ADORA1: variants seen among roughly 807,000 people sequenced by gnomAD.
The protein encoded by ADORA1 is adenosine receptor A1.
A neutral mutation model predicts 19.9 loss-of-function variants in ADORA1; 6 were observed. That is an observed-to-expected ratio of 0.30 (90% CI 0.17 to 0.59). The LOEUF (loss-of-function observed/expected upper bound fraction) is 0.59, where lower values mean the gene tolerates loss of function less well. Among genes scored for constraint, ADORA1 ranks in the 20% least tolerant of loss-of-function variants. The pLI is 0.87. For synonymous variants in ADORA1, 194 were observed against 188.4 expected (o/e 1.03, Z -0.24); for missense variants, 302 against 439.2 (o/e 0.69, Z 2.79).
intron 3 of ADORA1, among the ~76,000 whole-genome samples, chr1:203,137,720 T>C (rs984972311): frequency 6.6e-6 from 1 of 152,202 alleles, no homozygotes; most frequent in Non-Finnish European, 1.5e-5. Context: ...AGTACTCAGC[T>C]CTATAAAATT....
At chr1:203,131,476 C>T (rs536607417) in intron 3 of ADORA1, among the ~76,000 whole-genome samples, 22 of 152,324 alleles carry the variant, frequency 1.4e-4, no homozygotes, top group South Asian at 8.3e-4. Context: ...GCCAGGTTTA[C>T]GGAACACACA....
chr1:203,149,472 A>G (rs1654963835), intron 3 of ADORA1, among the ~76,000 whole-genome samples: 1 of 152,188 alleles, frequency 6.6e-6, no homozygotes. Flanking sequence ...TGACAGGGGC[A>G]CAGACCAGCT....
chr1:203,131,717 A>T (rs1654337030), intron 3 of ADORA1, among the ~76,000 whole-genome samples: 1 of 152,132 alleles, frequency 6.6e-6, no homozygotes, highest in Non-Finnish European at 1.5e-5. Flanking sequence ...TCAAGCAGGG[A>T]TCCTGGCTGA....
chr1:203,162,350 G>T (rs574797608), intron 3 of ADORA1, among the ~76,000 whole-genome samples: 1 of 152,178 alleles, frequency 6.6e-6, no homozygotes, highest in Non-Finnish European at 1.5e-5. Context: ...TAACCCCGGG[G>T]GCTCTGGGTG....
intron 3 of ADORA1, among the ~76,000 whole-genome samples, chr1:203,130,788 C>A (rs1276731998): frequency 6.6e-6 from 1 of 152,166 alleles, no homozygotes; most frequent in Non-Finnish European, 1.5e-5. Context: ...CAGAATGCAC[C>A]CTACTTGCCC....
At chr1:203,142,543 T>C (rs1489793557) in intron 3 of ADORA1, among the ~76,000 whole-genome samples, 2 of 152,184 alleles carry the variant, frequency 1.3e-5, no homozygotes, top group Non-Finnish European at 2.9e-5. Flanking sequence ...GAAAAGTTAT[T>C]TAATTAAAAC....
rs990209598 is a variant in ADORA1, at chr1:203,166,930, T to C, written c.*1030T>C. ...GTGTTGACTGTAGGCGCCCCTGGGG[T>C]GGGTTTAGCAGGCTGCAGCAGGCAG... On this transcript the variant is annotated 3_prime_UTR_variant, in exon 4 of 4. Coordinates refer to ENST00000337894, the MANE Select transcript of ADORA1 (RefSeq NM_000674.3). The C allele has an allele frequency of 2.0e-5, 3 of 152,182 alleles. No individual in the cohort carries two copies. The highest frequency in any genetic ancestry group is 7.3e-5 in the African/African-American group (3 of 41,300). The allele number at this position is 152,182 out of a possible 1,614,324, so 9.4% of individuals were successfully genotyped here. A position where few individuals can be genotyped will look rare whatever the true frequency, so the allele number is the denominator to read the frequency against.
At position 203,127,734 on chromosome 1, in the gene ADORA1, C is replaced by G. The variant is rs1452391320; in HGVS notation, c.-407C>G. The G allele has an allele frequency of 6.6e-6, 1 of 152,308 alleles. No homozygotes were observed. The highest frequency in any genetic ancestry group is 1.5e-5 in the Non-Finnish European group (1 of 68,102). 9.4% of individuals were successfully genotyped at this position (152,308 alleles called of 1,614,324 possible). On this transcript the variant is annotated 5_prime_UTR_variant, in exon 1 of 4. Coordinates refer to ENST00000337894, the MANE Select transcript of ADORA1 (RefSeq NM_000674.3). ...TGCGGAGCCCGATTGTCACTCAGCT[C>G]CTGCGCCGGGGGCGACAGAGCCGCA...
intron 3 of ADORA1, among the ~76,000 whole-genome samples, chr1:203,134,869 T>A (rs1370682355): frequency 6.6e-6 from 1 of 152,270 alleles, no homozygotes; most frequent in Non-Finnish European, 1.5e-5. Flanking sequence ...TATATCCTAT[T>A]TTATTCACTT....
At chr1:203,142,883 T>C (rs888048198) in intron 3 of ADORA1, among the ~76,000 whole-genome samples, 4 of 152,038 alleles carry the variant, frequency 2.6e-5, no homozygotes, top group African/African-American at 9.7e-5. Context: ...TTCAGTGTGT[T>C]TGGGGACTCA....
Position 203,142,768 on chromosome 1 carries a change from C to T in ADORA1, c.341+13586C>T, listed in dbSNP as rs994644729. On this transcript the variant is annotated intron_variant, in intron 3 of 3. Transcript: ENST00000337894. ...TCCTGATCCCCCCGTCTCCTGGAGG[C>T]CTTGTCCTGTGCAGCTCCTGGTGGG... is the stretch of plus-strand genomic sequence containing the variant. 2.6e-4 allele frequency among the ~76,000 whole-genome samples: 40 copies of T among 152,270 alleles called. 1 individual carries two copies. Among genetic ancestry groups the T allele is most frequent in the African/African-American group, 9.1e-4 (38 of 41,554 alleles).
intron 3 of ADORA1, chr1:203,129,537 G>A (rs1212925751): frequency 8.3e-6 from 2 of 240,284 alleles, no homozygotes; most frequent in African/African-American, 4.5e-5. Flanking sequence ...AATGAGCTGA[G>A]CTCTGCCAGT....
At chr1:203,156,808 C>T (rs1400234952) in intron 3 of ADORA1, among the ~76,000 whole-genome samples, 1 of 152,206 alleles carries the variant, frequency 6.6e-6, no homozygotes, top group African/African-American at 2.4e-5. Flanking sequence ...TTGTTGCTGC[C>T]TCATACCATG....
chr1:203,130,840 A>T (rs1461052840), intron 3 of ADORA1, among the ~76,000 whole-genome samples: 2 of 152,166 alleles, frequency 1.3e-5, no homozygotes, highest in East Asian at 1.9e-4. Flanking sequence ...CAGCAGACTT[A>T]TTCCTTCAGG....
At position 203,155,020 on chromosome 1, in the gene ADORA1, TTATTA is replaced by T. The variant is rs1558135740; in HGVS notation, c.342-10239_342-10235del. Among the ~76,000 whole-genome samples the T allele has an allele frequency of 5.6e-3, 279 of 50,194 alleles. 2 individuals carry two copies. The highest frequency in any genetic ancestry group is 0.014 in the African/African-American group (254 of 18,100). The allele number at this position is 50,194 out of a possible 152,430, so 32.9% of individuals were successfully genotyped here. ...ATGGCATCTGGGCTCTTCCTATTTA[TTATTA>T]TTATTATTATTATTATTATTATTAT... is the stretch of plus-strand genomic sequence containing the variant. On this transcript the variant is annotated intron_variant, in intron 3 of 3. Coordinates refer to ENST00000337894, the MANE Select transcript of ADORA1 (RefSeq NM_000674.3).
At chr1:203,153,500 C>A (rs2102757688) in intron 3 of ADORA1, among the ~76,000 whole-genome samples, 1 of 152,316 alleles carries the variant, frequency 6.6e-6, no homozygotes, top group Admixed American at 6.5e-5. Context: ...ATGACCTAAT[C>A]AATTTATCCA....
intron 3 of ADORA1, among the ~76,000 whole-genome samples, chr1:203,135,538 A>G (rs965765691): frequency 6.6e-6 from 1 of 152,056 alleles, no homozygotes; most frequent in African/African-American, 2.4e-5. Context: ...CACGACTGTA[A>G]TCCCAGCTAC....
intron 3 of ADORA1, among the ~76,000 whole-genome samples, chr1:203,143,685 C>T (rs1269818700): frequency 6.6e-6 from 1 of 152,228 alleles, no homozygotes; most frequent in Non-Finnish European, 1.5e-5. Context: ...CCCAGTCCCT[C>T]ATTCTCCATG....
intron 3 of ADORA1, chr1:203,144,738 C>T (rs1654807549): frequency 2.0e-5 from 3 of 152,162 alleles, no homozygotes; most frequent in Admixed American, 6.5e-5. Flanking sequence ...ATCCCCACTG[C>T]GGAGCTGTCT....
Sources: allele counts gnomAD v4.1 joint callset (sites outside exome capture counted in the v4.1 genomes callset), GRCh38; gene constraint gnomAD v4.1.1; transcripts MANE v1.5; gene names NCBI Gene and HGNC (gene_info 2026-07-23, HGNC 2026-07-21).